CTXN2: variants seen among roughly 807,000 people sequenced by gnomAD.
CTXN2 encodes the protein cortexin 2.
A neutral mutation model predicts 5.7 loss-of-function variants in CTXN2; 3 were observed. The ratio of observed to expected loss-of-function variants is 0.53; its 90% CI spans 0.24 to 1.36. The LOEUF (loss-of-function observed/expected upper bound fraction) is 1.36. Ranked by LOEUF, CTXN2 falls within the 40% of genes most tolerant of loss-of-function variation. The pLI, the probability that CTXN2 is intolerant of heterozygous loss-of-function variation, is 0.17. For missense variants in CTXN2, 87 were observed against 93.0 expected (o/e 0.94, Z 0.26); for synonymous variants, 38 against 36.4 (o/e 1.04, Z -0.16).
At position 48,203,019 on chromosome 15, in the gene CTXN2, T is replaced by G. The variant is rs1364134592; in HGVS notation, c.*1473T>G. The G allele has an allele frequency of 6.0e-6, 1 of 166,944 alleles. No individual in the cohort carries two copies. The highest frequency in any genetic ancestry group is 1.5e-5 in the Non-Finnish European group (1 of 68,118). 10.3% of individuals were successfully genotyped at this position (166,944 alleles called of 1,614,324 possible). On this transcript the variant is annotated 3_prime_UTR_variant, in exon 2 of 2. Coordinates refer to ENST00000417307, the MANE Select transcript of CTXN2 (RefSeq NM_001145668.2). The stretch of plus-strand genomic sequence containing the variant: ...TCAATTTATTTGATACTCTTATAAA[T>G]TCTTTGAGTTGGAGACTACTATTTC...
upstream of CTXN2, among the ~76,000 whole-genome samples, chr15:48,187,337 A>G (rs1288112914): frequency 6.6e-6 from 1 of 152,230 alleles, no homozygotes; most frequent in Non-Finnish European, 1.5e-5. Context: ...ATCTTAAAAA[A>G]TAGTTATACC....
At position 48,191,800 on chromosome 15, in the gene CTXN2, C is replaced by T. The variant is rs776464839; in HGVS notation, c.-111C>T. ...CGATCAGCGAACACAGACAAACGTG[C>T]CAACACTTAAGTCTACTGGCTGGAC... On this transcript the variant is annotated 5_prime_UTR_variant, in exon 1 of 2. Coordinates refer to ENST00000417307, the MANE Select transcript of CTXN2 (RefSeq NM_001145668.2). 4.4e-6 allele frequency: 2 copies of T among 456,020 alleles called. No homozygotes were observed. The highest frequency in any genetic ancestry group is 4.4e-6 in the Non-Finnish European group (1 of 226,802). 28.2% of individuals were successfully genotyped at this position (456,020 alleles called of 1,614,324 possible). A position where few individuals can be genotyped will look rare whatever the true frequency, so the allele number is the denominator to read the frequency against.
intron 1 of CTXN2, among the ~76,000 whole-genome samples, chr15:48,197,312 C>T (rs1038298136): frequency 4.6e-5 from 7 of 152,076 alleles, no homozygotes; most frequent in Non-Finnish European, 1.0e-4. Context: ...GAAGCCTTTG[C>T]TGACCTCTTT....
rs929996606 is a variant in CTXN2, at chr15:48,194,217, T to TC, written c.-58+2364_-58+2365insC. 7.2e-5 allele frequency among the ~76,000 whole-genome samples: 11 copies of TC among 152,190 alleles called. 1 individual carries two copies. Among genetic ancestry groups the TC allele is most frequent in the African/African-American group, 2.6e-4 (11 of 41,524 alleles). On this transcript the variant is annotated intron_variant, in intron 1 of 1. Transcript: ENST00000417307. The stretch of plus-strand genomic sequence containing the variant: ...AACATTTGTTCTTTCTCAACCCATT[T>TC]TTTTTTTGTTAAAAATGGAAATTTT...
chr15:48,185,400 G>T (rs188332886), intron 1 of CTXN2, among the ~76,000 whole-genome samples: 90 of 152,194 alleles, frequency 5.9e-4, no homozygotes, highest in African/African-American at 2.1e-3. Context: ...AGATATATGG[G>T]AACTTTCTGT....
At chr15:48,194,721 C>A (rs2040860787) in intron 1 of CTXN2, among the ~76,000 whole-genome samples, 1 of 152,104 alleles carries the variant, frequency 6.6e-6, no homozygotes, top group East Asian at 1.9e-4. Context: ...CATCTTTAAT[C>A]TTTTCTGGTA....
intron 1 of CTXN2, among the ~76,000 whole-genome samples, chr15:48,184,326 C>G (rs1405540967): frequency 6.6e-6 from 1 of 152,006 alleles, no homozygotes; most frequent in Non-Finnish European, 1.5e-5. Context: ...AACTCTGATA[C>G]CAAATATACA....
At chr15:48,197,603 ATAT>A (rs1309315640) in intron 1 of CTXN2, among the ~76,000 whole-genome samples, 1 of 152,072 alleles carries the variant, frequency 6.6e-6, no homozygotes, top group African/African-American at 2.4e-5. Context: ...ATAAATTAAA[ATAT>A]TATTATATGT....
chr15:48,193,871 T>C (rs1040906531), intron 1 of CTXN2, among the ~76,000 whole-genome samples: 5 of 152,144 alleles, frequency 3.3e-5, no homozygotes, highest in African/African-American at 1.2e-4. Context: ...AGTTCTTCAT[T>C]TCACAGAGCA....
chr15:48,181,168 G>C (rs2040699113), intron 1 of CTXN2, among the ~76,000 whole-genome samples: 1 of 152,162 alleles, frequency 6.6e-6, no homozygotes. Flanking sequence ...AGTGTCTTAA[G>C]CAAGATATAC....
chr15:48,184,915 A>G (rs1597379155), intron 1 of CTXN2, among the ~76,000 whole-genome samples: 1 of 152,154 alleles, frequency 6.6e-6, no homozygotes. Flanking sequence ...CAACAGATAT[A>G]TAGATAAATA....
intron 1 of CTXN2, among the ~76,000 whole-genome samples, chr15:48,179,431 A>G (rs1248866747): frequency 6.6e-6 from 1 of 151,776 alleles, no homozygotes; most frequent in Non-Finnish European, 1.5e-5. Flanking sequence ...ACACACACAC[A>G]TACACAAACA....
Position 48,203,025 on chromosome 15 carries a change from G to C in CTXN2, c.*1479G>C, listed in dbSNP as rs1052168708. The C allele has an allele frequency of 1.8e-5, 3 of 166,884 alleles. No individual in the cohort carries two copies. The highest frequency in any genetic ancestry group is 4.4e-5 in the Non-Finnish European group (3 of 68,110). The allele number at this position is 166,884 out of a possible 1,614,324, so 10.3% of individuals were successfully genotyped here. On this transcript the variant is annotated 3_prime_UTR_variant, in exon 2 of 2. Coordinates refer to ENST00000417307, the MANE Select transcript of CTXN2 (RefSeq NM_001145668.2). The stretch of plus-strand genomic sequence containing the variant: ...TATTTGATACTCTTATAAATTCTTT[G>C]AGTTGGAGACTACTATTTCCATTTT...
intron 1 of CTXN2, among the ~76,000 whole-genome samples, chr15:48,197,014 A>AT (rs5812437): frequency 0.76 from 109,612 of 144,658 alleles, 46,528 homozygotes; most frequent in Middle Eastern, 0.97. Flanking sequence ...ACATTGTTTG[A>AT]TTTTTTTTTT....
intron 1 of CTXN2, among the ~76,000 whole-genome samples, chr15:48,182,663 T>C (rs2040709675): frequency 6.6e-6 from 1 of 152,196 alleles, no homozygotes. Flanking sequence ...ATAAACAAAA[T>C]ATATTTCCAT....
chr15:48,188,172 G>T (rs1048330411), upstream of CTXN2, among the ~76,000 whole-genome samples: 1 of 151,674 alleles, frequency 6.6e-6, no homozygotes, highest in African/African-American at 2.4e-5. Context: ...ATAATTAAAA[G>T]AAAATAATAT....
At chr15:48,190,821 C>A (rs1020199828), upstream of CTXN2, 1 of 152,212 alleles carries the variant, frequency 6.6e-6, no homozygotes, top group African/African-American at 2.4e-5. Context: ...GGATAAAGAG[C>A]AAGGTTTCTG....
upstream of CTXN2, among the ~76,000 whole-genome samples, chr15:48,187,096 A>G (rs1180578152): frequency 6.6e-6 from 1 of 152,124 alleles, no homozygotes; most frequent in East Asian, 1.9e-4. Context: ...AAACATCTGT[A>G]TATATGTATT....
chr15:48,193,911 G>A (rs901015436), intron 1 of CTXN2, among the ~76,000 whole-genome samples: 1 of 152,006 alleles, frequency 6.6e-6, no homozygotes, highest in Non-Finnish European at 1.5e-5. Flanking sequence ...CCAATTGTTT[G>A]AAAAATTTAG....
Sources: allele counts gnomAD v4.1 joint callset (sites outside exome capture counted in the v4.1 genomes callset), GRCh38; gene constraint gnomAD v4.1.1; transcripts MANE v1.5; gene names NCBI Gene and HGNC (gene_info 2026-07-23, HGNC 2026-07-21).